The following TRPM3 variants were observed in gnomAD, a reference collection of about 807,000 sequenced individuals.
TRPM3 encodes the protein long transient receptor potential channel 3.
A neutral mutation model predicts 181.2 loss-of-function variants in TRPM3; 77 were observed. The observed-to-expected ratio is 0.42, with a 90% CI of 0.35 to 0.51. The LOEUF is 0.51. Among genes scored for constraint, TRPM3 ranks in the 20% least tolerant of loss-of-function variants. TRPM3 has a pLI of 0.01. For missense variants in TRPM3, 1,759 were observed against 2,196.7 expected, an observed-to-expected ratio of 0.80 and a Z score of 3.98; for synonymous variants, 745 against 796.4, an observed-to-expected ratio of 0.94 and a Z score of 1.09.
At chr9:71,109,060 T>TGAA (rs2070428143) in intron 1 of TRPM3, among the ~76,000 whole-genome samples, 1 of 152,106 alleles carries the variant, frequency 6.6e-6, no homozygotes, top group South Asian at 2.1e-4. Flanking sequence ...CAAGAAGGAA[T>TGAA]GCCAGCAGAC....
chr9:71,249,405 G>C (rs1053645247), intron 1 of TRPM3, among the ~76,000 whole-genome samples: 6 of 152,064 alleles, frequency 3.9e-5, no homozygotes, highest in African/African-American at 7.2e-5. Context: ...ATAAGCAAAG[G>C]ATGTATAAAT....
chr9:71,066,889 A>T (rs989687587), intron 1 of TRPM3, among the ~76,000 whole-genome samples: 1 of 152,156 alleles, frequency 6.6e-6, no homozygotes, highest in Non-Finnish European at 1.5e-5. Context: ...CTCTGAAATC[A>T]AAAGTTAACA....
intron 1 of TRPM3, among the ~76,000 whole-genome samples, chr9:71,190,126 T>G (rs2077922078): frequency 6.6e-6 from 1 of 151,878 alleles, no homozygotes; most frequent in Non-Finnish European, 1.5e-5. Flanking sequence ...TAAAAGCGTA[T>G]GGGCTCAGTG....
intron 1 of TRPM3, among the ~76,000 whole-genome samples, chr9:71,401,389 G>C (rs1306029364): frequency 6.6e-6 from 1 of 152,122 alleles, no homozygotes; most frequent in Admixed American, 6.5e-5. Flanking sequence ...GTGTTCATCT[G>C]AGCAGACTAT....
intron 1 of TRPM3, among the ~76,000 whole-genome samples, chr9:70,907,076 T>A (rs1278583051): frequency 6.6e-6 from 1 of 152,272 alleles, no homozygotes; most frequent in Non-Finnish European, 1.5e-5. Context: ...CACAGTTTAT[T>A]GAAAACAGTA....
intron 1 of TRPM3, among the ~76,000 whole-genome samples, chr9:70,902,198 A>G (rs1313710430): frequency 6.6e-6 from 1 of 152,238 alleles, no homozygotes; most frequent in Non-Finnish European, 1.5e-5. Flanking sequence ...AGCAAATGAC[A>G]TCTAGCAAGG....
chr9:71,297,557 A>C (rs2086394239), intron 1 of TRPM3, among the ~76,000 whole-genome samples: 1 of 152,118 alleles, frequency 6.6e-6, no homozygotes, highest in Non-Finnish European at 1.5e-5. Flanking sequence ...GGAATGAAGG[A>C]GGAAGCCCTT....
At chr9:71,379,924 G>T (rs547196582) in intron 1 of TRPM3, among the ~76,000 whole-genome samples, 1 of 151,944 alleles carries the variant, frequency 6.6e-6, no homozygotes, top group East Asian at 1.9e-4. Flanking sequence ...AACTTTCTTC[G>T]TGTATGCCAG....
chr9:70,957,791 T>C (rs1438112823), intron 1 of TRPM3, among the ~76,000 whole-genome samples: 1 of 152,178 alleles, frequency 6.6e-6, no homozygotes, highest in Non-Finnish European at 1.5e-5. Flanking sequence ...ACTTAACAGT[T>C]AGGAAACAGA....
At chr9:71,393,360 A>C (rs1441708367) in intron 1 of TRPM3, among the ~76,000 whole-genome samples, 2 of 152,190 alleles carry the variant, frequency 1.3e-5, no homozygotes, top group Non-Finnish European at 2.9e-5. Flanking sequence ...TTTGTGTCCC[A>C]GAACAGTACC....
At chr9:70,982,416 C>T (rs906454812) in intron 1 of TRPM3, among the ~76,000 whole-genome samples, 21 of 152,166 alleles carry the variant, frequency 1.4e-4, no homozygotes, top group Non-Finnish European at 2.4e-4. Flanking sequence ...AGACAACAGT[C>T]TTCATCTTCT....
Position 70,533,770 on chromosome 9 carries a change from A to G in TRPM3, c.*2183T>C, listed in dbSNP as rs2041218401. On this transcript the variant is annotated 3_prime_UTR_variant, in exon 26 of 26. Coordinates refer to ENST00000677713, the MANE Select transcript of TRPM3 (RefSeq NM_001366145.2). ...AAGTGTTTCTAGAACAGCTGTAAAT[A>G]AGGGAGTCTGGGTGTTTGTTAGCAA... The G allele has an allele frequency of 6.6e-6, 1 of 152,192 alleles. No homozygotes were observed. Among genetic ancestry groups the G allele is most frequent in the Admixed American group, 6.5e-5 (1 of 15,286 alleles). The allele number at this position is 152,192 out of a possible 1,614,324, so 9.4% of individuals were successfully genotyped here.
At chr9:70,627,394 T>C (rs2064868133) in intron 12 of TRPM3, among the ~76,000 whole-genome samples, 1 of 149,110 alleles carries the variant, frequency 6.7e-6, no homozygotes, top group Non-Finnish European at 1.5e-5. Context: ...TGCCTCAGCC[T>C]CCCGAGTAGC....
intron 1 of TRPM3, among the ~76,000 whole-genome samples, chr9:71,210,076 G>C (rs1229073342): frequency 6.6e-6 from 1 of 152,168 alleles, no homozygotes; most frequent in East Asian, 1.9e-4. Context: ...GGACCCAAAG[G>C]AGCTTCACCC....
chr9:71,245,070 G>A (rs1426363116), intron 1 of TRPM3, among the ~76,000 whole-genome samples: 3 of 152,118 alleles, frequency 2.0e-5, no homozygotes, highest in Non-Finnish European at 2.9e-5. Context: ...CACAGCATTG[G>A]CAAGTCCAAG....
At chr9:70,981,558 C>G (rs1316312152) in intron 1 of TRPM3, among the ~76,000 whole-genome samples, 2 of 152,096 alleles carry the variant, frequency 1.3e-5, no homozygotes, top group African/African-American at 4.8e-5. Flanking sequence ...AGTCCTGGCT[C>G]CATCACTTTA....
rs71367234 is a variant in TRPM3 at position 70,864,525 on chromosome 9, C to CAAAAAAAAAA, written c.178-24_178-15dup. The CAAAAAAAAAA allele has an allele frequency of 5.7e-4, 511 of 899,046 alleles. 7 individuals are homozygous for CAAAAAAAAAA. The highest frequency in any genetic ancestry group is 2.6e-3 in the South Asian group (69 of 26,216). 55.7% of individuals were successfully genotyped at this position (899,046 alleles called of 1,614,324 possible). ...GGATTTCTGAGCCTGAAAAAGAAAA[C>CAAAAAAAAAA]AAAAAAAAAAAAAAAAGAAAAAAGA... On this transcript the variant is annotated splice_polypyrimidine_tract_variant and intron_variant, in intron 1 of 25. Transcript: ENST00000677713.
At chr9:70,895,878 A>C (rs1251071743) in intron 1 of TRPM3, among the ~76,000 whole-genome samples, 1 of 152,218 alleles carries the variant, frequency 6.6e-6, no homozygotes, top group Non-Finnish European at 1.5e-5. Flanking sequence ...TAGAGATGTC[A>C]AAACTATTAG....
rs1481029889 is a variant in TRPM3 at position 70,640,659 on chromosome 9, T to A, written c.1347A>T (p.Gly449=). The A allele has an allele frequency of 1.2e-6, 2 of 1,612,424 alleles. No homozygotes were observed. The highest frequency in any genetic ancestry group is 8.5e-7 in the Non-Finnish European group (1 of 1,178,896). Residue 449 remains glycine, a splice_region_variant and synonymous_variant, in exon 10 of 26, where the codon GGA becomes GGT. Coordinates refer to ENST00000677713, the MANE Select transcript of TRPM3 (RefSeq NM_001366145.2). ...DLAILTALLK[G]ANASAPDQLS... ...GTTGGTCTGGGGCCGAGGCATTGGC[T>A]CCTGTGTGAGGACAAGTGGGAGAAA...
Sources: allele counts gnomAD v4.1 joint callset (sites outside exome capture counted in the v4.1 genomes callset), GRCh38; gene constraint gnomAD v4.1.1; transcripts MANE v1.5; gene names NCBI Gene and HGNC (gene_info 2026-07-23, HGNC 2026-07-21).